AGBL4: variants seen among roughly 807,000 people sequenced by gnomAD.
AGBL4 encodes cytosolic carboxypeptidase 6.
In AGBL4, 58 loss-of-function variants were observed where a neutral mutation model predicts 66.4. The observed-to-expected ratio is 0.87, with a 90% confidence interval of 0.71 to 1.09. AGBL4 has a LOEUF of 1.09. Among genes scored for constraint, AGBL4 ranks in the 50% least tolerant of loss-of-function variants. The pLI is 0.00. For synonymous variants in AGBL4, 234 were observed against 222.9 expected (o/e 1.05, Z -0.44); for missense variants, 579 against 631.0 (o/e 0.92, Z 0.88).
intron 1 of AGBL4, chr1:49,866,053 T>A (rs10788920): frequency 4.8e-6 from 1 of 207,556 alleles, no homozygotes; most frequent in South Asian, 7.2e-5. Context: ...GGAGACAAGA[T>A]TAGAGAAAGA....
intron 5 of AGBL4, among the ~76,000 whole-genome samples, chr1:48,913,634 C>T (rs960915444): frequency 6.6e-6 from 1 of 152,182 alleles, no homozygotes; most frequent in African/African-American, 2.4e-5. Flanking sequence ...CCAGATGGGA[C>T]TGTTTTAGTT....
At chr1:48,617,896 G>A (rs1645346214) in intron 9 of AGBL4, among the ~76,000 whole-genome samples, 1 of 152,182 alleles carries the variant, frequency 6.6e-6, no homozygotes, top group African/African-American at 2.4e-5. Context: ...AAAGGTAAAA[G>A]AGGGAAAAGC....
chr1:48,844,294 C>A (rs1366237747), intron 6 of AGBL4, among the ~76,000 whole-genome samples: 1 of 152,220 alleles, frequency 6.6e-6, no homozygotes, highest in Non-Finnish European at 1.5e-5. Context: ...AGTCCTACAT[C>A]TCTTCTCAGT....
At chr1:49,888,852 C>T (rs570411317) in intron 1 of AGBL4, among the ~76,000 whole-genome samples, 5 of 152,208 alleles carry the variant, frequency 3.3e-5, no homozygotes, top group Admixed American at 1.3e-4. Context: ...AAGATGGCCT[C>T]GTAGTATCCA....
At chr1:49,432,268 C>T (rs1434148095) in intron 3 of AGBL4, among the ~76,000 whole-genome samples, 1 of 152,196 alleles carries the variant, frequency 6.6e-6, no homozygotes, top group Non-Finnish European at 1.5e-5. Flanking sequence ...TGCACACTTA[C>T]ACGTAGACAT....
At chr1:48,944,116 T>C (rs892896886) in intron 5 of AGBL4, among the ~76,000 whole-genome samples, 2 of 152,162 alleles carry the variant, frequency 1.3e-5, no homozygotes, top group South Asian at 2.1e-4. Context: ...GAGCTCATGA[T>C]ATGGCATGTA....
chr1:49,071,207 T>C (rs567819446), intron 4 of AGBL4, among the ~76,000 whole-genome samples: 1 of 152,048 alleles, frequency 6.6e-6, no homozygotes, highest in South Asian at 2.1e-4. Flanking sequence ...CCTGGGTTCA[T>C]TGATTTTTTG....
intron 3 of AGBL4, among the ~76,000 whole-genome samples, chr1:49,637,501 C>T (rs1236379169): frequency 2.0e-5 from 3 of 151,892 alleles, no homozygotes; most frequent in Admixed American, 2.0e-4. Flanking sequence ...CAGGGTTTCA[C>T]CATGTGGGCC....
chr1:49,885,743 C>T (rs1647965483), intron 1 of AGBL4, among the ~76,000 whole-genome samples: 1 of 152,048 alleles, frequency 6.6e-6, no homozygotes, highest in South Asian at 2.1e-4. Context: ...TAAGGATATA[C>T]AAACAAATAC....
At chr1:49,939,946 T>C (rs1351497816) in intron 1 of AGBL4, among the ~76,000 whole-genome samples, 1 of 152,164 alleles carries the variant, frequency 6.6e-6, no homozygotes, top group Non-Finnish European at 1.5e-5. Context: ...TTTCGTAACC[T>C]ACTCATCTGA....
At chr1:49,476,843 G>C (rs1402377507) in intron 3 of AGBL4, among the ~76,000 whole-genome samples, 1 of 152,072 alleles carries the variant, frequency 6.6e-6, no homozygotes, top group Non-Finnish European at 1.5e-5. Context: ...TACACTGAAA[G>C]GTGAATCCCA....
At chr1:49,347,416 T>C (rs1304188042) in intron 3 of AGBL4, among the ~76,000 whole-genome samples, 1 of 151,834 alleles carries the variant, frequency 6.6e-6, no homozygotes, top group Non-Finnish European at 1.5e-5. Context: ...CACGCCCAGC[T>C]AATTTTTTGT....
At chr1:48,776,520 CG>C in intron 6 of AGBL4, 2 of 1,001,446 alleles carry the variant, frequency 2.0e-6, no homozygotes, top group Non-Finnish European at 2.7e-6. Flanking sequence ...TGGCTCCCCC[CG>C]GTCCCCTCCG....
chr1:49,324,331 A>C (rs1402219189), intron 3 of AGBL4, among the ~76,000 whole-genome samples: 1 of 152,260 alleles, frequency 6.6e-6, no homozygotes, highest in African/African-American at 2.4e-5. Context: ...TTCAGCACAG[A>C]GACCAGCACT....
At chr1:48,548,843 G>C (rs538004585) in intron 11 of AGBL4, among the ~76,000 whole-genome samples, 1 of 152,316 alleles carries the variant, frequency 6.6e-6, no homozygotes, top group East Asian at 1.9e-4. Flanking sequence ...TGTCTGATGA[G>C]TCACATCAAG....
chr1:48,859,269 T>C (rs189188385), intron 6 of AGBL4, among the ~76,000 whole-genome samples: 42 of 152,276 alleles, frequency 2.8e-4, no homozygotes, highest in Admixed American at 1.3e-3. Context: ...CTCTGACCCA[T>C]TGGAATCTGG....
intron 3 of AGBL4, among the ~76,000 whole-genome samples, chr1:49,674,828 C>A (rs1403457622): frequency 6.6e-6 from 1 of 152,060 alleles, no homozygotes; most frequent in African/African-American, 2.4e-5. Flanking sequence ...GTATGTCAAG[C>A]AGTAACGAAA....
At chr1:49,358,339 G>A (rs1644062885) in intron 3 of AGBL4, among the ~76,000 whole-genome samples, 1 of 151,872 alleles carries the variant, frequency 6.6e-6, no homozygotes, top group South Asian at 2.1e-4. Context: ...GATATAGATT[G>A]AATGAAACAC....
chr1:48,776,666 G>A (rs1448101547), intron 6 of AGBL4: 3 of 1,498,410 alleles, frequency 2.0e-6, no homozygotes, highest in Middle Eastern at 2.1e-4. Context: ...CGGGGGGCGC[G>A]CGGGGGGCTC....
Sources: allele counts gnomAD v4.1 joint callset (sites outside exome capture counted in the v4.1 genomes callset), GRCh38; gene constraint gnomAD v4.1.1; transcripts MANE v1.5; gene names NCBI Gene and HGNC (gene_info 2026-07-23, HGNC 2026-07-21).